Variants in PPEF1 observed in about 807,000 individuals in gnomAD.
PPEF1 encodes the protein serine/threonine-protein phosphatase with EF-hands 1.
PPEF1 carries 12 observed loss-of-function variants against 53.3 expected under a neutral mutation model. The observed-to-expected ratio is 0.23, with a 90% CI of 0.14 to 0.36. The LOEUF (loss-of-function observed/expected upper bound fraction) is 0.36, where lower values mean the gene tolerates loss of function less well. Ranked by LOEUF, PPEF1 falls within the 10% of genes least tolerant of loss-of-function variation. The pLI is 1.00. For missense variants in PPEF1, 334 were observed against 490.4 expected, an observed-to-expected ratio of 0.68 and a Z score of 3.01; for synonymous variants, 165 against 176.7, an observed-to-expected ratio of 0.93 and a Z score of 0.52.
At chrX:18,827,199 T>G in intron 15 of PPEF1, 77 bp from the exon 16 acceptor site, 1 of 835,007 alleles carries the variant, frequency 1.2e-6, no homozygotes, top group Non-Finnish European at 1.7e-6. Flanking sequence ...GGCTATTTAA[T>G]CAGTGTGGGT....
intron 4 of PPEF1, chrX:18,691,449 C>T (rs1420275278): frequency 2.7e-5 from 3 of 111,462 alleles, no homozygotes; most frequent in Non-Finnish European, 5.6e-5. Flanking sequence ...TGTTACAGAG[C>T]TCTGGGCAGA....
At chrX:18,740,075 G>T (rs892681609) in intron 3 of PPEF1, among the ~76,000 whole-genome samples, 2 of 112,426 alleles carry the variant, frequency 1.8e-5, no homozygotes, top group African/African-American at 3.2e-5. Context: ...CCGACCCCTT[G>T]CCCTTCCTGG....
At chrX:18,680,866 GT>G (rs1317878491), upstream of PPEF1, among the ~76,000 whole-genome samples, 1 of 105,372 alleles carries the variant, frequency 9.5e-6, no homozygotes, top group East Asian at 3.0e-4. Flanking sequence ...AACATGCAGT[GT>G]TTGGTTTTTT....
intron 5 of PPEF1, among the ~76,000 whole-genome samples, chrX:18,698,087 C>T (rs1485681680): frequency 8.9e-6 from 1 of 111,807 alleles, no homozygotes; most frequent in Non-Finnish European, 1.9e-5. Context: ...GTATATACCT[C>T]AGAGGATGGT....
At chrX:18,779,350 A>C (rs1292309822) in intron 7 of PPEF1, among the ~76,000 whole-genome samples, 174 bp downstream of exon 7, 1 of 111,620 alleles carries the variant, frequency 9.0e-6, no homozygotes, top group Non-Finnish European at 1.9e-5. Flanking sequence ...GCTGAGTATC[A>C]GTTGCCCTGA....
chrX:18,689,098 C>T (rs1307903623), intron 3 of PPEF1, among the ~76,000 whole-genome samples: 2 of 111,011 alleles, frequency 1.8e-5, no homozygotes, highest in African/African-American at 3.3e-5. Context: ...CTCTGCTTCT[C>T]GTCATGGCCT....
chrX:18,809,064 A>T, intron 12 of PPEF1, among the ~76,000 whole-genome samples: 1 of 105,574 alleles, frequency 9.5e-6, no homozygotes, highest in East Asian at 2.9e-4. Flanking sequence ...GGATTTATAT[A>T]TTATATATAT....
At chrX:18,732,018 C>G (rs1025049101) in intron 2 of PPEF1, among the ~76,000 whole-genome samples, 4 of 112,483 alleles carry the variant, frequency 3.6e-5, no homozygotes, top group African/African-American at 1.3e-4. Context: ...TCCTGAATAG[C>G]TGGGACTACA....
upstream of PPEF1, among the ~76,000 whole-genome samples, chrX:18,703,397 T>G (rs576234988): frequency 8.1e-4 from 91 of 112,401 alleles, 1 homozygote; most frequent in Admixed American, 7.2e-3. Flanking sequence ...TTTTAAAACT[T>G]TCTTTAAAAA....
chrX:18,757,165 C>A (rs745673030), intron 4 of PPEF1, among the ~76,000 whole-genome samples: 1 of 111,518 alleles, frequency 9.0e-6, no homozygotes, highest in East Asian at 2.8e-4. Context: ...TAGTGGCTGC[C>A]ATATTGGACA....
chrX:18,761,476 A>G (rs1311107918), intron 5 of PPEF1, 54 bp from the exon 6 acceptor site: 1 of 1,037,860 alleles, frequency 9.6e-7, no homozygotes, highest in African/African-American at 1.9e-5. Context: ...ACTTTTAAAA[A>G]TGGGCATTGC....
chrX:18,736,044 T>C (rs924711270), intron 3 of PPEF1, among the ~76,000 whole-genome samples: 2 of 111,764 alleles, frequency 1.8e-5, no homozygotes, highest in Non-Finnish European at 3.8e-5. Flanking sequence ...ACAATGGGGT[T>C]TTCTAAATAT....
upstream of PPEF1, among the ~76,000 whole-genome samples, chrX:18,675,388 C>T (rs778643438): frequency 2.6e-5 from 3 of 113,719 alleles, no homozygotes; most frequent in Admixed American, 9.2e-5. Flanking sequence ...ACTTGCCGGT[C>T]GGAAGTCAGG....
chrX:18,721,589 G>A (rs1180546895), intron 1 of PPEF1, among the ~76,000 whole-genome samples: 3 of 111,612 alleles, frequency 2.7e-5, no homozygotes, highest in African/African-American at 9.8e-5. Flanking sequence ...TTGTTTACAT[G>A]AGAAACTGAG....
intron 4 of PPEF1, among the ~76,000 whole-genome samples, chrX:18,691,247 G>C (rs1162954597): frequency 8.9e-6 from 1 of 111,919 alleles, no homozygotes; most frequent in Non-Finnish European, 1.9e-5. Flanking sequence ...TTTGTTAAAA[G>C]CTTTAATATA....
intron 1 of PPEF1, 125 bp downstream of exon 1, chrX:18,707,951 T>G: frequency 1.8e-6 from 1 of 554,931 alleles, no homozygotes. Context: ...GCACAAGGCA[T>G]CGTTAGAGTA....
chrX:18,762,219 A>G (rs2045682054), intron 6 of PPEF1, among the ~76,000 whole-genome samples: 1 of 111,292 alleles, frequency 9.0e-6, no homozygotes, highest in Non-Finnish European at 1.9e-5. Context: ...TGCTTCAGGG[A>G]TGGCTGACTG....
rs2044230741 is a variant in PPEF1 at position 18,707,697 on chromosome X, C to T, written c.-84C>T. The T allele has an allele frequency of 7.8e-6, 7 of 897,553 alleles. No homozygotes were observed. Among genetic ancestry groups the T allele is most frequent in the African/African-American group, 2.0e-5 (1 of 50,983 alleles). 74.0% of individuals were successfully genotyped at this position (897,553 alleles called of 1,213,427 possible). On this transcript the variant is annotated 5_prime_UTR_variant, in exon 1 of 16. Transcript: ENST00000470157. ...AGAGGATCGGCTAAGAGTGGTTCCT[C>T]GCAGCTTAAAGGGAGGCACTTTTCA...
chrX:18,729,232 A>G (rs972992948), intron 1 of PPEF1, among the ~76,000 whole-genome samples: 5 of 111,760 alleles, frequency 4.5e-5, no homozygotes, highest in South Asian at 3.7e-4. Context: ...CATTTTATCA[A>G]TCGAATCTCA....
Sources: gnomAD v4.1 joint callset for allele counts (sites outside exome capture counted in the v4.1 genomes callset) on GRCh38, gnomAD v4.1.1 for gene constraint, MANE v1.5 for transcripts, NCBI Gene and HGNC (gene_info 2026-07-23, HGNC 2026-07-21) for gene names.